NAV2: variants seen among roughly 807,000 people sequenced by gnomAD.
NAV2 encodes helicase, APC down-regulated 1.
NAV2 carries 54 observed loss-of-function variants against 223.2 expected under a neutral mutation model. The ratio of observed to expected loss-of-function variants is 0.24; its 90% CI spans 0.19 to 0.30. The LOEUF (loss-of-function observed/expected upper bound fraction) is 0.30, where lower values mean the gene tolerates loss of function less well. Ranked by LOEUF, NAV2 falls within the 10% of genes least tolerant of loss-of-function variation. The pLI is 1.00. For synonymous variants in NAV2, 1,279 were observed against 1,239.3 expected (o/e 1.03, Z -0.67); for missense variants, 2,806 against 3,147.5 (o/e 0.89, Z 2.60).
At chr11:19,480,692 G>A (rs1361776832) in intron 1 of NAV2, among the ~76,000 whole-genome samples, 3 of 152,186 alleles carry the variant, frequency 2.0e-5, no homozygotes, top group African/African-American at 4.8e-5. Flanking sequence ...ACCTTTCACA[G>A]CATACATTAA....
At chr11:19,815,924 A>G (rs1461861066) in intron 1 of NAV2, among the ~76,000 whole-genome samples, 1 of 152,180 alleles carries the variant, frequency 6.6e-6, no homozygotes, top group Non-Finnish European at 1.5e-5. Context: ...AGATGAATCA[A>G]TCAGGGCCTT....
At chr11:19,823,166 T>A (rs1195334190) in intron 1 of NAV2, among the ~76,000 whole-genome samples, 2 of 152,158 alleles carry the variant, frequency 1.3e-5, no homozygotes, top group Non-Finnish European at 2.9e-5. Flanking sequence ...TGCCTCAGCC[T>A]CTTGAGTAGC....
At chr11:19,960,803 G>A (rs1009368027) in intron 10 of NAV2, among the ~76,000 whole-genome samples, 3 of 151,848 alleles carry the variant, frequency 2.0e-5, no homozygotes, top group Admixed American at 1.3e-4. Flanking sequence ...TAGTAGATGG[G>A]GTTTCACCAT....
chr11:19,965,846 G>A (rs1321223651), intron 10 of NAV2, among the ~76,000 whole-genome samples: 1 of 152,254 alleles, frequency 6.6e-6, no homozygotes, highest in Non-Finnish European at 1.5e-5. Context: ...GGTCTGCCAT[G>A]TGTGGAGCCT....
chr11:19,569,613 T>C (rs987680534), intron 1 of NAV2, among the ~76,000 whole-genome samples: 1 of 152,200 alleles, frequency 6.6e-6, no homozygotes, highest in Non-Finnish European at 1.5e-5. Context: ...AAAAACTTAT[T>C]TCTGTGGCCC....
chr11:19,632,464 CA>C (rs2047374723), intron 1 of NAV2, among the ~76,000 whole-genome samples: 1 of 151,894 alleles, frequency 6.6e-6, no homozygotes, highest in Admixed American at 6.6e-5. Context: ...TCCACAATTG[CA>C]GACTGTCTTT....
intron 1 of NAV2, among the ~76,000 whole-genome samples, chr11:19,358,093 CAAT>C (rs1481138577): frequency 1.3e-5 from 2 of 152,066 alleles, no homozygotes; most frequent in African/African-American, 4.8e-5. Context: ...GTTTGAATCA[CAAT>C]AATGACATCT....
chr11:19,497,394 C>A (rs1222087436), intron 1 of NAV2, among the ~76,000 whole-genome samples: 2 of 152,192 alleles, frequency 1.3e-5, no homozygotes, highest in Non-Finnish European at 2.9e-5. Flanking sequence ...GATTTGGCCC[C>A]TTGACAGAGA....
intron 1 of NAV2, among the ~76,000 whole-genome samples, chr11:19,742,688 A>C (rs1189766425): frequency 6.6e-6 from 1 of 152,210 alleles, no homozygotes; most frequent in Non-Finnish European, 1.5e-5. Flanking sequence ...ATCTCTAGAT[A>C]GTGGGAGCAG....
chr11:20,098,691 C>G (rs2061439572), intron 31 of NAV2, among the ~76,000 whole-genome samples: 1 of 152,204 alleles, frequency 6.6e-6, no homozygotes, highest in African/African-American at 2.4e-5. Flanking sequence ...ATTGCTTGAG[C>G]CTCACACAGC....
chr11:19,600,016 T>G (rs1341804159), intron 1 of NAV2, among the ~76,000 whole-genome samples: 2 of 152,118 alleles, frequency 1.3e-5, no homozygotes, highest in Non-Finnish European at 2.9e-5. Flanking sequence ...ATTTGGGAAG[T>G]GATTCCAGGA....
chr11:19,777,147 C>T (rs1201168368), intron 1 of NAV2, among the ~76,000 whole-genome samples: 1 of 148,464 alleles, frequency 6.7e-6, no homozygotes, highest in African/African-American at 2.5e-5. Context: ...CTCCGCGCTG[C>T]GAGGAGCGGG....
intron 1 of NAV2, among the ~76,000 whole-genome samples, chr11:19,828,171 A>AG (rs545794951): frequency 6.8e-6 from 1 of 146,606 alleles, no homozygotes; most frequent in South Asian, 2.2e-4. Flanking sequence ...CAATTTTTTA[A>AG]GGGGGGGATG....
At chr11:19,655,339 C>T (rs1200496543) in intron 1 of NAV2, among the ~76,000 whole-genome samples, 1 of 152,160 alleles carries the variant, frequency 6.6e-6, no homozygotes, top group African/African-American at 2.4e-5. Context: ...TGTGGCGATT[C>T]CTCAAGGATC....
In NAV2 at chr11:19,633,651, C is replaced by T. The variant is rs115151335; in HGVS notation, c.76-198833C>T. On this transcript the variant is annotated intron_variant, in intron 1 of 37. Transcript: ENST00000360655. ...TGTTCCTTCACTCTCCCCATGTTCA[C>T]GGACTGCTGCCAGGGGAAGCATTTT... Among the ~76,000 whole-genome samples the T allele has an allele frequency of 2.6e-3, 398 of 152,380 alleles. 3 individuals carry two copies. Among genetic ancestry groups the T allele is most frequent in the African/African-American group, 7.4e-3 (308 of 41,600 alleles).
At chr11:19,805,468 T>A (rs1413532949) in intron 1 of NAV2, among the ~76,000 whole-genome samples, 1 of 152,152 alleles carries the variant, frequency 6.6e-6, no homozygotes, top group Non-Finnish European at 1.5e-5. Flanking sequence ...CCCTTGGCTA[T>A]AAATAAGGCT....
rs148128551 is a variant in NAV2, at chr11:19,942,351, G to A, written c.2146+2578G>A. Among the ~76,000 whole-genome samples the A allele has an allele frequency of 2.9e-3, 444 of 152,252 alleles. 1 individual carries two copies. Among genetic ancestry groups the A allele is most frequent in the African/African-American group, 9.8e-3 (409 of 41,542 alleles). On this transcript the variant is annotated intron_variant, in intron 8 of 37. Coordinates refer to ENST00000349880, the MANE Select transcript of NAV2 (RefSeq NM_145117.5). ...GAGGAAGGCAAATATTTCCCAGCAC[G>A]ACCCACAAGAGGGAAACAGGACACT...
At chr11:19,698,954 C>A (rs978748211) in intron 1 of NAV2, among the ~76,000 whole-genome samples, 7 of 152,172 alleles carry the variant, frequency 4.6e-5, no homozygotes, top group Non-Finnish European at 7.4e-5. Flanking sequence ...TATGACTTAG[C>A]CCCCTGCCTT....
chr11:19,751,741 CCTT>C (rs2053839877), intron 1 of NAV2, among the ~76,000 whole-genome samples: 1 of 152,150 alleles, frequency 6.6e-6, no homozygotes, highest in South Asian at 2.1e-4. Flanking sequence ...TGCTTTTTGT[CCTT>C]CTCTTTCAGT....
Sources: allele counts gnomAD v4.1 joint callset (sites outside exome capture counted in the v4.1 genomes callset), GRCh38; gene constraint gnomAD v4.1.1; transcripts MANE v1.5; gene names NCBI Gene and HGNC (gene_info 2026-07-23, HGNC 2026-07-21).